MAGI2: variants seen among roughly 807,000 people sequenced by gnomAD.
MAGI2 encodes the protein membrane associated guanylate kinase, WW and PDZ domain containing 2.
In MAGI2, 35 loss-of-function variants were observed where a neutral mutation model predicts 133.3. That is an observed-to-expected ratio of 0.26 (90% CI 0.20 to 0.35). The LOEUF is 0.35. Among genes scored for constraint, MAGI2 ranks in the 10% least tolerant of loss-of-function variants. The probability of loss-of-function intolerance (pLI) is 1.00; values close to 1 mark genes in which losing one functional copy is unlikely to be tolerated. For synonymous variants in MAGI2, 729 were observed against 710.6 expected, an observed-to-expected ratio of 1.03 and a Z score of -0.41; for missense variants, 1,636 against 1,863.4, an observed-to-expected ratio of 0.88 and a Z score of 2.25.
chr7:78,244,616 TATAAC>T (rs1791565438), intron 10 of MAGI2, among the ~76,000 whole-genome samples: 1 of 152,148 alleles, frequency 6.6e-6, no homozygotes, highest in Admixed American at 6.5e-5. Flanking sequence ...TGGTAAAAAA[TATAAC>T]AAAAAGGAAA....
At chr7:78,450,645 C>G (rs575582060) in intron 6 of MAGI2, among the ~76,000 whole-genome samples, 117 of 141,262 alleles carry the variant, frequency 8.3e-4, no homozygotes, top group African/African-American at 2.6e-3. Flanking sequence ...TTCTCATCTT[C>G]TCTGCTTACT....
At chr7:78,453,325 G>A (rs975825437) in intron 6 of MAGI2, among the ~76,000 whole-genome samples, 3 of 152,172 alleles carry the variant, frequency 2.0e-5, no homozygotes, top group African/African-American at 7.2e-5. Context: ...CTCTTTAAGG[G>A]AAGCTCTTTC....
At chr7:79,331,864 T>C (rs1422472475) in intron 1 of MAGI2, among the ~76,000 whole-genome samples, 2 of 151,992 alleles carry the variant, frequency 1.3e-5, no homozygotes, top group Non-Finnish European at 2.9e-5. Flanking sequence ...TGATAAAAAT[T>C]GCAGCGCACC....
chr7:78,159,038 C>G (rs1308788592), intron 16 of MAGI2, among the ~76,000 whole-genome samples: 1 of 152,122 alleles, frequency 6.6e-6, no homozygotes, highest in Non-Finnish European at 1.5e-5. Context: ...ATCTCCAACC[C>G]AACCACATCA....
intron 13 of MAGI2, among the ~76,000 whole-genome samples, chr7:78,181,749 C>T (rs1827207596): frequency 6.6e-6 from 1 of 152,198 alleles, no homozygotes; most frequent in African/African-American, 2.4e-5. Flanking sequence ...CAAAAACGAA[C>T]TTTAAAAAGT....
At chr7:78,260,621 C>T (rs58874116) in intron 9 of MAGI2, among the ~76,000 whole-genome samples, 27,134 of 152,072 alleles carry the variant, frequency 0.18, 2,792 homozygotes, top group South Asian at 0.29. Context: ...TTCATTACTA[C>T]ATTGCTGGAA....
intron 1 of MAGI2, among the ~76,000 whole-genome samples, chr7:79,300,210 C>T (rs1258152770): frequency 6.6e-6 from 1 of 152,100 alleles, no homozygotes; most frequent in Non-Finnish European, 1.5e-5. Flanking sequence ...TTGGAGGGCT[C>T]AGAGGAAGAC....
intron 2 of MAGI2, among the ~76,000 whole-genome samples, chr7:78,708,119 C>CT (rs1241001847): frequency 6.6e-6 from 1 of 152,054 alleles, no homozygotes; most frequent in Non-Finnish European, 1.5e-5. Context: ...CTGATGGGGA[C>CT]TGACAAGGCT....
intron 2 of MAGI2, among the ~76,000 whole-genome samples, chr7:78,645,610 CTTAG>C (rs887050269): frequency 2.3e-4 from 35 of 150,104 alleles, no homozygotes; most frequent in African/African-American, 8.3e-4. Flanking sequence ...ACTAAAAACT[CTTAG>C]TTAACTATTT....
At chr7:79,134,553 A>G (rs2129545587) in intron 1 of MAGI2, among the ~76,000 whole-genome samples, 1 of 152,320 alleles carries the variant, frequency 6.6e-6, no homozygotes. Context: ...AAACTTTCAA[A>G]CAATCTCTTA....
chr7:78,239,555 T>C (rs934430229), intron 10 of MAGI2, among the ~76,000 whole-genome samples: 1 of 151,918 alleles, frequency 6.6e-6, no homozygotes, highest in African/African-American at 2.4e-5. Flanking sequence ...CTCAAATAAC[T>C]CAATAGCAAG....
At chr7:78,770,079 T>C (rs1203317318) in intron 2 of MAGI2, among the ~76,000 whole-genome samples, 1 of 152,222 alleles carries the variant, frequency 6.6e-6, no homozygotes, top group South Asian at 2.1e-4. Flanking sequence ...ACAAGCCCCT[T>C]GCTATCACGG....
At chr7:78,892,761 A>G (rs1035669554) in intron 2 of MAGI2, among the ~76,000 whole-genome samples, 3 of 152,238 alleles carry the variant, frequency 2.0e-5, no homozygotes, top group Admixed American at 2.0e-4. Flanking sequence ...TGTTAGACCC[A>G]AAACCATAAA....
At chr7:78,718,727 C>A (rs66496) in intron 2 of MAGI2, among the ~76,000 whole-genome samples, 145,911 of 152,044 alleles carry the variant, frequency 0.96, 70,039 homozygotes, top group East Asian at 1. Flanking sequence ...AATAAAGTAC[C>A]CAATAAATGT....
At chr7:78,644,369 T>C (rs1810623965) in intron 2 of MAGI2, among the ~76,000 whole-genome samples, 1 of 152,086 alleles carries the variant, frequency 6.6e-6, no homozygotes, top group South Asian at 2.1e-4. Flanking sequence ...CTATTTTTAA[T>C]TGCACATGAA....
intron 3 of MAGI2, among the ~76,000 whole-genome samples, chr7:78,593,128 T>C (rs1753328766): frequency 6.7e-6 from 1 of 150,008 alleles, no homozygotes; most frequent in Non-Finnish European, 1.5e-5. Context: ...GCCCCTGATT[T>C]TTTTTTTCTT....
intron 20 of MAGI2, among the ~76,000 whole-genome samples, chr7:78,123,335 C>T (rs1007491553): frequency 1.1e-4 from 16 of 152,096 alleles, no homozygotes; most frequent in African/African-American, 2.4e-4. Flanking sequence ...ACATCTCCAG[C>T]GGATGCCTGA....
intron 16 of MAGI2, among the ~76,000 whole-genome samples, chr7:78,148,041 A>G (rs1327162993): frequency 6.6e-6 from 1 of 152,186 alleles, no homozygotes; most frequent in Non-Finnish European, 1.5e-5. Flanking sequence ...CTAGATATTT[A>G]CCAAGTGAAA....
intron 2 of MAGI2, among the ~76,000 whole-genome samples, chr7:78,897,009 G>T (rs1797265695): frequency 6.6e-6 from 1 of 152,022 alleles, no homozygotes; most frequent in African/African-American, 2.4e-5. Context: ...CTTGTTCAAG[G>T]AATATATTTT....
Sources: gnomAD v4.1 joint callset for allele counts (sites outside exome capture counted in the v4.1 genomes callset) on GRCh38, gnomAD v4.1.1 for gene constraint, MANE v1.5 for transcripts, NCBI Gene and HGNC (gene_info 2026-07-23, HGNC 2026-07-21) for gene names.